TULP4: variants seen among roughly 807,000 people sequenced by gnomAD.
TULP4 encodes TUB like protein 4, also known as tubby-related protein 4.
In TULP4, 16 loss-of-function variants were observed where a neutral mutation model predicts 129.0. The ratio of observed to expected loss-of-function variants is 0.12; its 90% CI spans 0.08 to 0.19. The LOEUF is 0.19. TULP4 is among the 10% of genes least tolerant of loss of function. The probability of loss-of-function intolerance (pLI) is 1.00; values close to 1 mark genes in which losing one functional copy is unlikely to be tolerated. For synonymous variants in TULP4, 998 were observed against 854.0 expected (o/e 1.17, Z -2.94); for missense variants, 1,842 against 2,059.1 (o/e 0.89, Z 2.04).
At chr6:158,394,154 C>CAG (rs1469210230) in intron 1 of TULP4, among the ~76,000 whole-genome samples, 2 of 152,218 alleles carry the variant, frequency 1.3e-5, no homozygotes, top group Non-Finnish European at 2.9e-5. Context: ...TTCCCTAGAG[C>CAG]AGAGGCACAA....
chr6:158,232,448 CG>C, intron 1 of TULP4: 1 of 132,876 alleles, frequency 7.5e-6, no homozygotes, highest in Non-Finnish European at 1.6e-5. Context: ...GCGCGGCGGG[CG>C]GGGGTCGGGG....
chr6:158,359,342 G>A (rs889826062), intron 1 of TULP4, among the ~76,000 whole-genome samples: 3 of 152,188 alleles, frequency 2.0e-5, no homozygotes, highest in African/African-American at 4.8e-5. Flanking sequence ...GTACTCTAGA[G>A]GGACAGAATT....
chr6:158,246,013 A>G (rs1778021997), intron 1 of TULP4, among the ~76,000 whole-genome samples: 1 of 133,624 alleles, frequency 7.5e-6, no homozygotes, highest in African/African-American at 2.8e-5. Flanking sequence ...TAATTTGCCT[A>G]CCCCTTAGGG....
intron 8 of TULP4, 141 bp from the exon 9 acceptor site, chr6:158,489,447 C>A: frequency 1.0e-6 from 1 of 988,446 alleles, no homozygotes; most frequent in Non-Finnish European, 1.5e-6. Context: ...AAAACAATGC[C>A]AAGCTTCTTT....
At chr6:158,406,042 G>T (rs1175776619) in intron 1 of TULP4, among the ~76,000 whole-genome samples, 1 of 152,198 alleles carries the variant, frequency 6.6e-6, no homozygotes, top group East Asian at 1.9e-4. Context: ...TCCTTGGGCA[G>T]GCGTCTCTCC....
At chr6:158,349,258 G>A (rs1780419411) in intron 1 of TULP4, among the ~76,000 whole-genome samples, 1 of 135,458 alleles carries the variant, frequency 7.4e-6, no homozygotes. Context: ...GGGCGGCCGG[G>A]CAGAGGCGCT....
chr6:158,356,555 T>C (rs952638438), intron 1 of TULP4, among the ~76,000 whole-genome samples: 1 of 152,156 alleles, frequency 6.6e-6, no homozygotes, highest in Non-Finnish European at 1.5e-5. Context: ...TTTCAGGAAT[T>C]CTGGCTATGC....
chr6:158,291,674 T>C (rs1169702050), intron 1 of TULP4, among the ~76,000 whole-genome samples: 2 of 152,180 alleles, frequency 1.3e-5, no homozygotes, highest in African/African-American at 4.8e-5. Flanking sequence ...ATTAGATTTG[T>C]CCTTTTTTAA....
At chr6:158,338,856 T>A (rs1780107005) in intron 1 of TULP4, among the ~76,000 whole-genome samples, 1 of 152,184 alleles carries the variant, frequency 6.6e-6, no homozygotes, top group South Asian at 2.1e-4. Flanking sequence ...ACAAATATTC[T>A]CTCTGGCTCT....
intron 1 of TULP4, among the ~76,000 whole-genome samples, chr6:158,350,690 A>C (rs940936846): frequency 2.0e-5 from 3 of 151,938 alleles, no homozygotes; most frequent in African/African-American, 7.2e-5. Context: ...ATGGCAGTAC[A>C]ATCCAGGCTT....
In TULP4 at chr6:158,502,344, G is replaced by A; in HGVS notation, c.2681G>A (p.Ser894Asn). Residue 894 changes from serine to asparagine, a missense_variant, in exon 13 of 14, where the codon AGT becomes AAT. Ser to Asn is a conservative substitution (Grantham distance 46). Transcript: ENST00000367097. ...GAGAGGATCACCACCTTCGACAGCA[G>A]TGGCAACGTGGAGGAGGTGTGCCGG... ...GYERITTFDS[S>N]GNVEEVCRPR... 6.2e-7 allele frequency: 1 copy of A among 1,613,772 alleles called. No homozygotes were observed.
intron 1 of TULP4, among the ~76,000 whole-genome samples, chr6:158,267,648 C>A (rs914980387): frequency 2.0e-5 from 3 of 152,170 alleles, no homozygotes; most frequent in African/African-American, 4.8e-5. Context: ...CAATTTATAC[C>A]CTTTCTCAAT....
At chr6:158,292,487 T>C (rs987071247) in intron 1 of TULP4, among the ~76,000 whole-genome samples, 1 of 152,198 alleles carries the variant, frequency 6.6e-6, no homozygotes, top group African/African-American at 2.4e-5. Context: ...AATTAAAAAT[T>C]ACATTTGTTG....
At chr6:158,494,659 C>A in intron 10 of TULP4, 94 bp from the exon 11 acceptor site, 1 of 1,181,398 alleles carries the variant, frequency 8.5e-7, no homozygotes, top group Non-Finnish European at 1.2e-6. Context: ...ACACTCGTGG[C>A]TTAAGTAATA....
rs1246931413 is a variant in TULP4 at position 158,238,930 on chromosome 6, A to G, written n.68+6627A>G. Among the ~76,000 whole-genome samples the G allele has an allele frequency of 1.0e-4, 13 of 130,288 alleles. No individual in the cohort carries two copies. In the South Asian group the frequency reaches 1.1e-3, roughly 11 times the overall value. The allele number at this position is 130,288 out of a possible 152,430, so 85.5% of individuals were successfully genotyped here. A position where few individuals can be genotyped will look rare whatever the true frequency, so the allele number is the denominator to read the frequency against. ...CCATTGTCATCCTGGCCCGTTCTCAATGAGCTGTTGGGCACACCTCCCAGA... is the reference window on the plus strand; with the variant it reads ...CCATTGTCATCCTGGCCCGTTCTCAGTGAGCTGTTGGGCACACCTCCCAGA... On this transcript the variant is annotated intron_variant and non_coding_transcript_variant, in intron 1 of 1. Coordinates refer to the TULP4 transcript ENST00000620026.
rs1410668590 is a variant in TULP4 at position 158,332,212 on chromosome 6, TATATA to T, written c.252+17945_252+17949del. On this transcript the variant is annotated intron_variant, in intron 1 of 13. Transcript: ENST00000367097. The stretch of plus-strand genomic sequence containing the variant: ...AAAAAAAAAAAAAAATATATATATA[TATATA>T]TATATATATATAAATTGAAAAGAGA... 3.9e-3 allele frequency among the ~76,000 whole-genome samples: 413 copies of T among 106,314 alleles called. 9 individuals are homozygous for T. The highest frequency in any genetic ancestry group is 0.014 in the African/African-American group (392 of 28,410). 69.7% of individuals were successfully genotyped at this position (106,314 alleles called of 152,430 possible). A position where few individuals can be genotyped will look rare whatever the true frequency, so the allele number is the denominator to read the frequency against.
chr6:158,476,169 A>T (rs1251335829), intron 6 of TULP4, among the ~76,000 whole-genome samples: 1 of 152,112 alleles, frequency 6.6e-6, no homozygotes, highest in African/African-American at 2.4e-5. Context: ...ATCATCTTAC[A>T]TGGACTATAT....
intron 1 of TULP4, among the ~76,000 whole-genome samples, chr6:158,245,089 G>A (rs1778002404): frequency 6.6e-6 from 1 of 151,848 alleles, no homozygotes; most frequent in Non-Finnish European, 1.5e-5. Flanking sequence ...CCAGGTTCAA[G>A]CAATCCTCCT....
intron 8 of TULP4, among the ~76,000 whole-genome samples, chr6:158,486,761 A>C (rs944510211): frequency 6.6e-6 from 1 of 152,170 alleles, no homozygotes; most frequent in Non-Finnish European, 1.5e-5. Flanking sequence ...GCAGATTTAG[A>C]GTGTATATTT....
Sources: allele counts gnomAD v4.1 joint callset (sites outside exome capture counted in the v4.1 genomes callset), GRCh38; gene constraint gnomAD v4.1.1; transcripts MANE v1.5; gene names NCBI Gene and HGNC (gene_info 2026-07-23, HGNC 2026-07-21).